GOLM1: variants seen among roughly 807,000 people sequenced by gnomAD.
The protein encoded by GOLM1 is epididymis luminal protein 46.
Under a neutral mutation model 50.5 loss-of-function variants are expected in GOLM1, and 31 were observed. That is an observed-to-expected ratio of 0.61 (90% CI 0.46 to 0.83). The LOEUF is 0.83. Among genes scored for constraint, GOLM1 ranks in the 40% least tolerant of loss-of-function variants. The pLI is 0.00. For synonymous variants in GOLM1, 178 were observed against 192.8 expected, an observed-to-expected ratio of 0.92 and a Z score of 0.64; for missense variants, 491 against 501.3, an observed-to-expected ratio of 0.98 and a Z score of 0.20.
rs1832825475 is a variant in GOLM1 at position 86,027,584 on chromosome 9, C to G, written c.*233G>C. On this transcript the variant is annotated 3_prime_UTR_variant, in exon 10 of 10. Coordinates refer to ENST00000388712, the MANE Select transcript of GOLM1 (RefSeq NM_016548.4). ...TGGTGTTGAACTTCTCACGAAATAC[C>G]TACTACCAAAAATTGTGACACCTTA... 7.7e-7 allele frequency: 1 copy of G among 1,301,816 alleles called. No individual in the cohort carries two copies. Among genetic ancestry groups the G allele is most frequent in the Non-Finnish European group, 9.7e-7 (1 of 1,027,582 alleles). The allele number at this position is 1,301,816 out of a possible 1,614,324, so 80.6% of individuals were successfully genotyped here.
chr9:86,087,706 T>G (rs149177867), intron 1 of GOLM1, among the ~76,000 whole-genome samples: 2 of 152,310 alleles, frequency 1.3e-5, no homozygotes, highest in South Asian at 4.1e-4. Flanking sequence ...AACCATGTGG[T>G]TTTTGCCATT....
At chr9:86,033,782 G>C (rs989132731) in intron 8 of GOLM1, among the ~76,000 whole-genome samples, 1 of 152,164 alleles carries the variant, frequency 6.6e-6, no homozygotes, top group Non-Finnish European at 1.5e-5. Flanking sequence ...AGGAAATGGA[G>C]CTGCCACTGT....
chr9:86,076,104 G>C (rs1834602263), intron 3 of GOLM1, among the ~76,000 whole-genome samples: 1 of 152,158 alleles, frequency 6.6e-6, no homozygotes, highest in South Asian at 2.1e-4. Context: ...TCCAGAGAGA[G>C]AGGTACACGC....
chr9:86,065,141 C>T (rs1468564851), intron 3 of GOLM1, among the ~76,000 whole-genome samples: 2 of 152,190 alleles, frequency 1.3e-5, no homozygotes, highest in Non-Finnish European at 2.9e-5. Flanking sequence ...CAGGCCCTTC[C>T]CACAGCTTAC....
intron 3 of GOLM1, among the ~76,000 whole-genome samples, chr9:86,058,150 T>C (rs1213372492): frequency 6.6e-6 from 1 of 152,216 alleles, no homozygotes; most frequent in African/African-American, 2.4e-5. Context: ...TTTTACCTCT[T>C]AGCAATTTCA....
intron 1 of GOLM1, among the ~76,000 whole-genome samples, chr9:86,081,984 T>A (rs1023010620): frequency 6.6e-5 from 10 of 150,472 alleles, no homozygotes; most frequent in African/African-American, 2.4e-4. Flanking sequence ...TCTGTTCCAG[T>A]GGTCCTCAAC....
intron 1 of GOLM1, among the ~76,000 whole-genome samples, chr9:86,097,038 C>A (rs1402146628): frequency 1.4e-5 from 2 of 148,016 alleles, no homozygotes; most frequent in Non-Finnish European, 1.5e-5. Context: ...AAAATAAGAC[C>A]AAAATGTAAA....
chr9:86,077,286 A>T, intron 3 of GOLM1, 126 bp downstream of exon 3: 2 of 758,580 alleles, frequency 2.6e-6, no homozygotes, highest in South Asian at 1.7e-5. Flanking sequence ...CTTGATCAAT[A>T]GGCTCTTTCC....
Position 86,026,838 on chromosome 9 carries a change from AAAAC to A in GOLM1, c.*975_*978del. On this transcript the variant is annotated 3_prime_UTR_variant, in exon 10 of 10. Transcript: ENST00000388712. Reference sequence around the variant, plus strand: ...CAAGCTAAATGTGTACACTATGATAAAAACAACCATTGTATTCCTGTTTTTCTAA... The same window carrying A: ...CAAGCTAAATGTGTACACTATGATAAAACCATTGTATTCCTGTTTTTCTAA... The A allele has an allele frequency of 1.0e-6, 1 of 980,370 alleles. No homozygotes were observed. Among genetic ancestry groups the A allele is most frequent in the Non-Finnish European group, 1.2e-6 (1 of 825,340 alleles). 60.7% of individuals were successfully genotyped at this position (980,370 alleles called of 1,614,324 possible). A position where few individuals can be genotyped will look rare whatever the true frequency, so the allele number is the denominator to read the frequency against.
At chr9:86,098,893 C>T (rs114497111) in intron 1 of GOLM1, among the ~76,000 whole-genome samples, 1,822 of 152,288 alleles carry the variant, frequency 0.012, 24 homozygotes, top group African/African-American at 0.033. Flanking sequence ...CCACGAGGCC[C>T]AGCGGCAACG....
intron 3 of GOLM1, among the ~76,000 whole-genome samples, chr9:86,054,436 C>G (rs538309010): frequency 3.7e-4 from 56 of 152,126 alleles, no homozygotes; most frequent in Non-Finnish European, 7.5e-4. Flanking sequence ...GTTGGCCAGG[C>G]TGGTCTCAAA....
In GOLM1 at chr9:86,026,969, T is replaced by G; in HGVS notation, c.*848A>C. On this transcript the variant is annotated 3_prime_UTR_variant, in exon 10 of 10. Transcript: ENST00000388712. ...AGGCACAGATCTGTCCACAACAAAC[T>G]TGCCCTCTCATGCCTTGCCTCTCAC... 1 of 985,412 alleles carries G rather than the reference T, an allele frequency of 1.0e-6. No homozygotes were observed. Among genetic ancestry groups the G allele is most frequent in the Non-Finnish European group, 1.2e-6 (1 of 829,926 alleles). 61.0% of individuals were successfully genotyped at this position (985,412 alleles called of 1,614,324 possible).
At chr9:86,054,643 G>A (rs1471404819) in intron 3 of GOLM1, among the ~76,000 whole-genome samples, 5 of 152,184 alleles carry the variant, frequency 3.3e-5, no homozygotes, top group African/African-American at 9.7e-5. Context: ...AAGAGGCAAA[G>A]CCAAACTCCA....
At chr9:86,029,148 C>T (rs545020428) in intron 9 of GOLM1, among the ~76,000 whole-genome samples, 7 of 152,276 alleles carry the variant, frequency 4.6e-5, no homozygotes, top group African/African-American at 7.2e-5. Context: ...TGAGCAACCA[C>T]GCCCAGCTGG....
rs889845595 is a variant in GOLM1 at position 86,043,326 on chromosome 9, G to A, written c.468-2458C>T. Among the ~76,000 whole-genome samples, 10 of 152,260 alleles carry A rather than the reference G, an allele frequency of 6.6e-5. No homozygotes were observed. In the East Asian group the frequency reaches 9.7e-4, roughly 15 times the overall value. On this transcript the variant is annotated intron_variant, in intron 5 of 9. Transcript: ENST00000388712. Reference sequence around the variant, plus strand: ...GGGATGTGTGCTGACTGATTCAAACGGAAAGAACACTACCTTGTACATCAG... The same window carrying A: ...GGGATGTGTGCTGACTGATTCAAACAGAAAGAACACTACCTTGTACATCAG...
chr9:86,090,916 T>G (rs1019646596), intron 1 of GOLM1, among the ~76,000 whole-genome samples: 1 of 151,470 alleles, frequency 6.6e-6, no homozygotes, highest in African/African-American at 2.4e-5. Context: ...TCCTGGTCTG[T>G]GGGTTGCGAA....
intron 3 of GOLM1, among the ~76,000 whole-genome samples, chr9:86,054,260 T>G (rs1391131961): frequency 6.7e-6 from 1 of 150,098 alleles, no homozygotes; most frequent in Non-Finnish European, 1.5e-5. Flanking sequence ...ATCTACTCAC[T>G]CATTGACTTT....
intron 4 of GOLM1, among the ~76,000 whole-genome samples, chr9:86,046,973 G>A (rs1456011212): frequency 7.1e-6 from 1 of 141,328 alleles, no homozygotes; most frequent in African/African-American, 2.8e-5. Context: ...CCTTCCATCT[G>A]TAAAACACTG....
At chr9:86,076,939 T>G (rs112694150) in intron 3 of GOLM1, among the ~76,000 whole-genome samples, 96 of 152,150 alleles carry the variant, frequency 6.3e-4, no homozygotes, top group African/African-American at 2.1e-3. Flanking sequence ...GATTTGTTGG[T>G]TTTTTTCCTA....
Sources: gnomAD v4.1 joint callset for allele counts (sites outside exome capture counted in the v4.1 genomes callset) on GRCh38, gnomAD v4.1.1 for gene constraint, MANE v1.5 for transcripts, NCBI Gene and HGNC (gene_info 2026-07-23, HGNC 2026-07-21) for gene names.